Variants in GRM1 observed in about 807,000 individuals in gnomAD.
GRM1 encodes the protein glutamate metabotropic receptor 1, also known as metabotropic glutamate receptor 1.
In GRM1, 33 loss-of-function variants were observed where a neutral mutation model predicts 90.9. The ratio of observed to expected loss-of-function variants is 0.36; its 90% CI spans 0.28 to 0.49. GRM1 has a LOEUF of 0.49. Ranked by LOEUF, GRM1 falls within the 20% of genes least tolerant of loss-of-function variation. The pLI, the probability that GRM1 is intolerant of heterozygous loss-of-function variation, is 0.99. For missense variants in GRM1, 1,190 were observed against 1,534.3 expected, an observed-to-expected ratio of 0.78 and a Z score of 3.75; for synonymous variants, 700 against 613.2, an observed-to-expected ratio of 1.14 and a Z score of -2.09.
chr6:146,372,022 T>C (rs1775921145), intron 5 of GRM1, among the ~76,000 whole-genome samples: 1 of 152,114 alleles, frequency 6.6e-6, no homozygotes, highest in African/African-American at 2.4e-5. Flanking sequence ...TTTAGTTTTT[T>C]TAAGGAAACT....
chr6:146,095,228 G>T (rs534329130), intron 1 of GRM1, among the ~76,000 whole-genome samples: 1 of 152,220 alleles, frequency 6.6e-6, no homozygotes, highest in African/African-American at 2.4e-5. Flanking sequence ...GTGAACTCCT[G>T]TTCAGGCCCC....
rs189515889 is a variant in GRM1 at position 146,346,749 on chromosome 6, T to C, written c.1187-5501T>C. Among the ~76,000 whole-genome samples the C allele has an allele frequency of 5.9e-5, 9 of 152,352 alleles. No individual in the cohort carries two copies. In the East Asian group the frequency reaches 1.7e-3, roughly 29 times the overall value. ...TTAAAGGAATCTGAATTTCATTTTC[T>C]TTGCTCGATATGTTAACAATATAAA... On this transcript the variant is annotated intron_variant, in intron 3 of 7. Coordinates refer to ENST00000282753, the MANE Select transcript of GRM1 (RefSeq NM_001278064.2).
At chr6:146,049,701 A>G (rs560826326) in intron 1 of GRM1, among the ~76,000 whole-genome samples, 113 of 145,962 alleles carry the variant, frequency 7.7e-4, no homozygotes, top group Non-Finnish European at 1.1e-3. Flanking sequence ...CTATCTATCT[A>G]TCATCTCATG....
chr6:146,333,227 A>G (rs974058843), intron 3 of GRM1, among the ~76,000 whole-genome samples: 1 of 152,154 alleles, frequency 6.6e-6, no homozygotes, highest in African/African-American at 2.4e-5. Context: ...AGGCTGGCTG[A>G]TAAGAGACCA....
At chr6:146,078,902 A>G (rs1306129022) in intron 1 of GRM1, among the ~76,000 whole-genome samples, 1 of 152,210 alleles carries the variant, frequency 6.6e-6, no homozygotes. Flanking sequence ...TCACACCACC[A>G]GGAAAGATGA....
chr6:146,340,836 G>A (rs1237637449), intron 3 of GRM1, among the ~76,000 whole-genome samples: 6 of 152,108 alleles, frequency 3.9e-5, no homozygotes, highest in African/African-American at 1.2e-4. Context: ...GAGCCACCGC[G>A]CCCTGCCCCA....
At position 146,213,729 on chromosome 6, in the gene GRM1, T is replaced by TAGAG. The variant is rs1186493997; in HGVS notation, c.950+54135_950+54136insGAGA. On this transcript the variant is annotated intron_variant, in intron 2 of 7. Transcript: ENST00000282753. ...ATAGATAGATAGATAGATAGATAGA[T>TAGAG]AGATAGATGGATGAAAGGAGATTTA... 4.1e-3 allele frequency among the ~76,000 whole-genome samples: 617 copies of TAGAG among 151,914 alleles called. 1 individual carries two copies. Among genetic ancestry groups the TAGAG allele is most frequent in the East Asian group, 5.2e-3 (27 of 5,160 alleles).
chr6:146,247,660 A>G (rs1315573249), intron 2 of GRM1, among the ~76,000 whole-genome samples: 1 of 150,910 alleles, frequency 6.6e-6, no homozygotes, highest in Non-Finnish European at 1.5e-5. Flanking sequence ...CTAAGGCAGG[A>G]GAATCATTAG....
intron 7 of GRM1, among the ~76,000 whole-genome samples, chr6:146,422,994 G>A (rs1411553183): frequency 3.3e-5 from 5 of 151,726 alleles, no homozygotes; most frequent in African/African-American, 1.2e-4. Flanking sequence ...AGAAAGGAAG[G>A]AAGGAGGGAA....
rs1367839248 is a variant in GRM1 at position 146,159,505 on chromosome 6, G to A, written c.858G>A (p.Val286=). 6.2e-7 allele frequency: 1 copy of A among 1,614,168 alleles called. No individual in the cohort carries two copies. The highest frequency in any genetic ancestry group is 8.5e-7 in the Non-Finnish European group (1 of 1,179,992). Reference sequence around the variant, plus strand: ...GAGAGAGGCTTCCCAAGGCTAGAGTGGTGGTCTGCTTCTGTGAAGGCATGA... The same window carrying A: ...GAGAGAGGCTTCCCAAGGCTAGAGTAGTGGTCTGCTTCTGTGAAGGCATGA... ...KLRERLPKAR[V]VVCFCEGMTV... is the part of the protein sequence containing the mutation. The change falls in exon 2 of 8, where the codon GTG becomes GTA. Residue 286 remains valine, a synonymous_variant. Coordinates refer to ENST00000282753, the MANE Select transcript of GRM1 (RefSeq NM_001278064.2).
chr6:146,212,096 A>G (rs1467744304), intron 2 of GRM1, among the ~76,000 whole-genome samples: 3 of 152,184 alleles, frequency 2.0e-5, no homozygotes, highest in African/African-American at 7.2e-5. Context: ...TTTAACATGT[A>G]TTAACTGAGG....
chr6:146,281,726 T>C (rs1023544637), intron 2 of GRM1, among the ~76,000 whole-genome samples: 3 of 152,192 alleles, frequency 2.0e-5, no homozygotes, highest in African/African-American at 7.2e-5. Flanking sequence ...GAAATAAATA[T>C]GGCTTTATTC....
chr6:146,256,296 T>A (rs185859427), intron 2 of GRM1, among the ~76,000 whole-genome samples: 1 of 152,256 alleles, frequency 6.6e-6, no homozygotes, highest in East Asian at 1.9e-4. Flanking sequence ...GTTTTCAGTG[T>A]CAGTTATCAT....
chr6:146,307,465 C>T (rs565319098), intron 3 of GRM1, among the ~76,000 whole-genome samples: 1 of 152,196 alleles, frequency 6.6e-6, no homozygotes, highest in East Asian at 1.9e-4. Context: ...ATGATGTATA[C>T]ATTCATGTAT....
chr6:146,185,928 T>A (rs1286275907), intron 2 of GRM1, among the ~76,000 whole-genome samples: 1 of 151,872 alleles, frequency 6.6e-6, no homozygotes, highest in Non-Finnish European at 1.5e-5. Context: ...ATCCACTTAG[T>A]GCTATAGACA....
chr6:146,068,813 A>G (rs1775937495), intron 1 of GRM1, among the ~76,000 whole-genome samples: 1 of 152,222 alleles, frequency 6.6e-6, no homozygotes, highest in South Asian at 2.1e-4. Context: ...TCTGAACAAA[A>G]TAAAATTTTT....
intron 3 of GRM1, among the ~76,000 whole-genome samples, chr6:146,317,705 T>C (rs1391365691): frequency 1.3e-5 from 2 of 152,236 alleles, no homozygotes; most frequent in African/African-American, 4.8e-5. Flanking sequence ...TAGAACAGCT[T>C]CTATCTGGAA....
Position 146,434,731 on chromosome 6 carries a change from C to T in GRM1, c.3520C>T (p.Pro1174Ser). ...CGTGTCCGAGTCGGTGCTCTGCACC[C>T]CTCCCAACGTATCCTACGCCTCTGT... is the stretch of plus-strand genomic sequence containing the variant. ...SPVSESVLCTPPNVSYASVIL... is the reference protein window; with the variant it reads ...SPVSESVLCTSPNVSYASVIL... Residue 1174 changes from proline (P) to serine (S), a missense_variant, in exon 8 of 8, where the codon CCT becomes TCT. This residue lies in a region of GRM1 where 48 missense variants were observed against 48.5 expected (regional missense o/e 0.99). Transcript: ENST00000282753. 2 of 1,601,060 alleles carry T rather than the reference C, an allele frequency of 1.2e-6. No individual in the cohort carries two copies. The highest frequency in any genetic ancestry group is 1.7e-6 in the Non-Finnish European group (2 of 1,179,906).
intron 2 of GRM1, among the ~76,000 whole-genome samples, chr6:146,195,001 CTTAAAAGAATG>C (rs1562522031): frequency 6.6e-6 from 1 of 152,156 alleles, no homozygotes; most frequent in Non-Finnish European, 1.5e-5. Flanking sequence ...ATGTAAAACA[CTTAAAAGAATG>C]TCCAGAAGAT....
Sources: allele counts gnomAD v4.1 joint callset (sites outside exome capture counted in the v4.1 genomes callset), GRCh38; gene constraint gnomAD v4.1.1; regional missense constraint gnomAD v4.1.1; transcripts MANE v1.5; gene names NCBI Gene and HGNC (gene_info 2026-07-23, HGNC 2026-07-21).